The following FOSL2 variants were observed in gnomAD, a reference collection of about 807,000 sequenced individuals.
The protein encoded by FOSL2 is FOS like 2, AP-1 transcription factor subunit.
Under a neutral mutation model 27.7 loss-of-function variants are expected in FOSL2, and 3 were observed. The observed-to-expected ratio is 0.11, with a 90% CI of 0.05 to 0.28. The LOEUF is 0.28. Ranked by LOEUF, FOSL2 falls within the 10% of genes least tolerant of loss-of-function variation. The probability of loss-of-function intolerance (pLI) is 1.00; values close to 1 mark genes in which losing one functional copy is unlikely to be tolerated. For missense variants in FOSL2, 333 were observed against 445.1 expected, an observed-to-expected ratio of 0.75 and a Z score of 2.27; for synonymous variants, 179 against 190.1, an observed-to-expected ratio of 0.94 and a Z score of 0.48.
At chr2:28,402,758 T>G (rs1663998366) in intron 1 of FOSL2, among the ~76,000 whole-genome samples, 1 of 152,180 alleles carries the variant, frequency 6.6e-6, no homozygotes, top group Admixed American at 6.5e-5. Context: ...GAAAAGGAGC[T>G]TGTATACCAC....
At chr2:28,401,290 A>G (rs1158120122) in intron 1 of FOSL2, among the ~76,000 whole-genome samples, 1 of 151,638 alleles carries the variant, frequency 6.6e-6, no homozygotes, top group African/African-American at 2.4e-5. Flanking sequence ...ATTATTTTAG[A>G]GGTCTAATGG....
At position 28,413,778 on chromosome 2, in the gene FOSL2, G is replaced by A. The variant is rs1238779379; in HGVS notation, c.*1330G>A. 3 of 398,752 alleles carry A rather than the reference G, an allele frequency of 7.5e-6. No homozygotes were observed. Among genetic ancestry groups the A allele is most frequent in the Non-Finnish European group, 1.3e-5 (3 of 226,206 alleles). 24.7% of individuals were successfully genotyped at this position (398,752 alleles called of 1,614,324 possible). ...CCAGTGCACTCTTCTGGCCCAGGCAGCAAGCAAGCTGTGAACAGCTGGCCT... is the reference window on the plus strand; with the variant it reads ...CCAGTGCACTCTTCTGGCCCAGGCAACAAGCAAGCTGTGAACAGCTGGCCT... On this transcript the variant is annotated 3_prime_UTR_variant, in exon 4 of 4. Coordinates refer to ENST00000264716, the MANE Select transcript of FOSL2 (RefSeq NM_005253.4).
At chr2:28,395,718 G>C (rs1438365197) in intron 1 of FOSL2, 4 of 152,176 alleles carry the variant, frequency 2.6e-5, no homozygotes, top group East Asian at 1.9e-4. Context: ...TCGCATAGAC[G>C]CCTGCCCATT....
rs1491443411 is a variant in FOSL2, at chr2:28,392,940, AAG to A, written c.-778_-777del. 2.0e-5 allele frequency: 14 copies of A among 689,042 alleles called. No individual in the cohort carries two copies. Among genetic ancestry groups the A allele is most frequent in the Admixed American group, 1.0e-4 (5 of 48,844 alleles). The allele number at this position is 689,042 out of a possible 1,614,324, so 42.7% of individuals were successfully genotyped here. ...ACGAGCGGCGCTCGGCGGGGACAGAAAGAGGGAGAGAGAGAGAGAGAGAGAGG... is the reference window on the plus strand; with the variant it reads ...ACGAGCGGCGCTCGGCGGGGACAGAAAGGGAGAGAGAGAGAGAGAGAGAGG... On this transcript the variant is annotated 5_prime_UTR_variant, in exon 1 of 4. Coordinates refer to ENST00000264716, the MANE Select transcript of FOSL2 (RefSeq NM_005253.4).
chr2:28,406,364 G>T (rs577508315), intron 2 of FOSL2, among the ~76,000 whole-genome samples: 4 of 152,140 alleles, frequency 2.6e-5, no homozygotes, highest in African/African-American at 9.7e-5. Context: ...GCCCGGCCAC[G>T]CTCTCCATTC....
At position 28,392,901 on chromosome 2, in the gene FOSL2, CAGCGAGCGAGCGAACG is replaced by C. The variant is rs902138504; in HGVS notation, c.-815_-800del. 1.7e-5 allele frequency: 12 copies of C among 714,074 alleles called. No homozygotes were observed. In the Middle Eastern group the frequency reaches 6.8e-4, roughly 41 times the overall value. 44.2% of individuals were successfully genotyped at this position (714,074 alleles called of 1,614,324 possible). A position where few individuals can be genotyped will look rare whatever the true frequency, so the allele number is the denominator to read the frequency against. Reference sequence around the variant, plus strand: ...CAGAGCGCTAGGGCTCCGAGCGAACCAGCGAGCGAGCGAACGAGCGGCGCTCGGCGGGGACAGAAAG... The same window carrying C: ...CAGAGCGCTAGGGCTCCGAGCGAACCAGCGGCGCTCGGCGGGGACAGAAAG... On this transcript the variant is annotated 5_prime_UTR_variant, in exon 1 of 4. Transcript: ENST00000264716.
In FOSL2 at chr2:28,404,860, C is replaced by G. The variant is rs999439503; in HGVS notation, c.354+502C>G. Among the ~76,000 whole-genome samples the G allele has an allele frequency of 2.6e-5, 4 of 152,154 alleles. No individual in the cohort carries two copies. The highest frequency in any genetic ancestry group is 9.7e-5 in the African/African-American group (4 of 41,426). On this transcript the variant is annotated intron_variant, in intron 2 of 3. Coordinates refer to ENST00000264716, the MANE Select transcript of FOSL2 (RefSeq NM_005253.4). The surrounding 1 kb of genome is among the most constrained non-coding windows in gnomAD (Gnocchi z 4.7). ...CGACTTCCCATTCCTCCTCAGTGTT[C>G]TAGGCCTCCAACTCGGAGCAGGAGC...
chr2:28,413,249 C>G lies in FOSL2; in HGVS notation c.*801C>G, dbSNP rs1441313962. The G allele has an allele frequency of 2.7e-6, 1 of 375,440 alleles. No individual in the cohort carries two copies. Among genetic ancestry groups the G allele is most frequent in the East Asian group, 3.8e-5 (1 of 26,202 alleles). The allele number at this position is 375,440 out of a possible 1,614,324, so 23.3% of individuals were successfully genotyped here. Reference sequence around the variant, plus strand: ...GTTGGGTTTGCCAAACGCCTAATTACCAGGCCAGGAAGCATGCCAACAAAG... The same window carrying G: ...GTTGGGTTTGCCAAACGCCTAATTAGCAGGCCAGGAAGCATGCCAACAAAG... On this transcript the variant is annotated 3_prime_UTR_variant, in exon 4 of 4. Transcript: ENST00000264716.
chr2:28,404,837 A>G lies in FOSL2; in HGVS notation c.354+479A>G, dbSNP rs1286245011. 6.6e-6 allele frequency among the ~76,000 whole-genome samples: 1 copy of G among 152,134 alleles called. No homozygotes were observed. The highest frequency in any genetic ancestry group is 2.4e-5 in the African/African-American group (1 of 41,424). ...AAGCTCTGGGTCGGTACTGCCCACG[A>G]CTTCCCATTCCTCCTCAGTGTTCTA... is the stretch of plus-strand genomic sequence containing the variant. On this transcript the variant is annotated intron_variant, in intron 2 of 3. Coordinates refer to ENST00000264716, the MANE Select transcript of FOSL2 (RefSeq NM_005253.4). The surrounding 1 kb of genome is among the most constrained non-coding windows in gnomAD (Gnocchi z 4.7).
At chr2:28,409,571 G>A (rs1664150149) in intron 3 of FOSL2, among the ~76,000 whole-genome samples, 1 of 152,058 alleles carries the variant, frequency 6.6e-6, no homozygotes, top group Non-Finnish European at 1.5e-5. Context: ...TCCCTTCAGA[G>A]CCTGGCCCTG....
At position 28,393,323 on chromosome 2, in the gene FOSL2, G is replaced by A; in HGVS notation, c.-398G>A. On this transcript the variant is annotated 5_prime_UTR_variant, in exon 1 of 4. Transcript: ENST00000264716. The surrounding 1 kb of genome is among the most constrained non-coding windows in gnomAD (Gnocchi z 4.6). ...GGGGTCCCCAGGGCTGGCAGGCCAG[G>A]CTCGCTGGGCTCCTAATCTTTTTTT... is the stretch of plus-strand genomic sequence containing the variant. The A allele has an allele frequency of 4.5e-6, 1 of 223,676 alleles. No individual in the cohort carries two copies. The highest frequency in any genetic ancestry group is 8.2e-5 in the South Asian group (1 of 12,122). 13.9% of individuals were successfully genotyped at this position (223,676 alleles called of 1,614,324 possible). A position where few individuals can be genotyped will look rare whatever the true frequency, so the allele number is the denominator to read the frequency against.
chr2:28,405,930 G>A (rs1285972680), intron 2 of FOSL2, among the ~76,000 whole-genome samples: 2 of 152,104 alleles, frequency 1.3e-5, no homozygotes, highest in South Asian at 4.1e-4. Flanking sequence ...ACTCACTGAT[G>A]AGCTGGACTC....
intron 1 of FOSL2, among the ~76,000 whole-genome samples, chr2:28,394,023 A>G (rs948898887): frequency 1.3e-5 from 2 of 149,768 alleles, no homozygotes; most frequent in South Asian, 2.2e-4. Flanking sequence ...TGAAGAGACA[A>G]CATGCCCTTT....
chr2:28,413,879 G>A lies in FOSL2; in HGVS notation c.*1431G>A. 3 of 398,742 alleles carry A rather than the reference G, an allele frequency of 7.5e-6. No individual in the cohort carries two copies. The highest frequency in any genetic ancestry group is 1.3e-5 in the Non-Finnish European group (3 of 226,186). 24.7% of individuals were successfully genotyped at this position (398,742 alleles called of 1,614,324 possible). A position where few individuals can be genotyped will look rare whatever the true frequency, so the allele number is the denominator to read the frequency against. On this transcript the variant is annotated 3_prime_UTR_variant, in exon 4 of 4. Coordinates refer to ENST00000264716, the MANE Select transcript of FOSL2 (RefSeq NM_005253.4). ...AATCTTTCTGGCTGCTGGAATTGGA[G>A]ATAGGATGTTTTGCTTCCCACTGCA...
chr2:28,398,589 C>T (rs1221719904), intron 1 of FOSL2, among the ~76,000 whole-genome samples: 1 of 152,218 alleles, frequency 6.6e-6, no homozygotes, highest in Non-Finnish European at 1.5e-5. Flanking sequence ...AGGGCTAAGG[C>T]CTTCTCTTTC....
intron 1 of FOSL2, among the ~76,000 whole-genome samples, chr2:28,396,488 A>C (rs1663839240): frequency 6.6e-6 from 1 of 151,612 alleles, no homozygotes. Flanking sequence ...TTCTCTCCTA[A>C]CTTTCCTAGG....
Position 28,408,840 on chromosome 2 carries a change from C to T in FOSL2, c.436C>T (p.Arg146Trp). The T allele has an allele frequency of 6.2e-7, 1 of 1,610,712 alleles. No individual in the cohort carries two copies. Among genetic ancestry groups the T allele is most frequent in the Non-Finnish European group, 8.5e-7 (1 of 1,178,484 alleles). Residue 146 changes from arginine to tryptophan, a missense_variant, in exon 3 of 4, where the codon CGG becomes TGG. Physicochemically the swap from Arg to Trp is moderately radical, Grantham distance 101 (BLOSUM62 -3). This residue lies in a region of FOSL2 where 40 missense variants were observed against 104.2 expected (regional missense o/e 0.38). Coordinates refer to ENST00000264716, the MANE Select transcript of FOSL2 (RefSeq NM_005253.4). This position sits in a 1 kb window ranked among gnomAD's most constrained non-coding sequence, Gnocchi z 4.1. ...LAAAKCRNRR[R>W]ELTEKLQAET... ...TGCAGCCAAGTGCCGGAACCGACGC[C>T]GGGAGCTGACAGAGAAGCTGCAGGC...
chr2:28,396,786 C>A (rs1047826992), intron 1 of FOSL2: 1 of 79,548 alleles, frequency 1.3e-5, no homozygotes, highest in Non-Finnish European at 2.1e-5. Context: ...CACCCCTTCC[C>A]AAGACACACA....
chr2:28,395,289 C>T (rs77199907), intron 1 of FOSL2, among the ~76,000 whole-genome samples: 1,536 of 152,320 alleles, frequency 0.01, 27 homozygotes, highest in African/African-American at 0.036. Flanking sequence ...CTCCGTCTCC[C>T]GTTCGACAAA....
Sources: gnomAD v4.1 joint callset for allele counts (sites outside exome capture counted in the v4.1 genomes callset) on GRCh38, gnomAD v4.1.1 for gene constraint, gnomAD v4.1.1 regional missense constraint, Gnocchi (gnomAD v3.1) non-coding constraint, MANE v1.5 for transcripts, NCBI Gene and HGNC (gene_info 2026-07-23, HGNC 2026-07-21) for gene names.